The following ESYT2 variants were observed in gnomAD, a reference collection of about 807,000 sequenced individuals.
ESYT2 encodes the protein extended synaptotagmin 2, also known as extended synaptotagmin-2.
Under a neutral mutation model 107.2 loss-of-function variants are expected in ESYT2, and 54 were observed. That is an observed-to-expected ratio of 0.50 (90% CI 0.40 to 0.63). The LOEUF is 0.63. ESYT2 is among the 30% of genes least tolerant of loss of function. ESYT2 has a pLI of 0.00. For synonymous variants in ESYT2, 491 were observed against 434.1 expected (o/e 1.13, Z -1.63); for missense variants, 1,020 against 1,094.5 (o/e 0.93, Z 0.96).
At chr7:158,826,824 A>AAAT (rs1213970134) in intron 1 of ESYT2, among the ~76,000 whole-genome samples, 20 of 150,358 alleles carry the variant, frequency 1.3e-4, no homozygotes, top group Admixed American at 1.1e-3. Context: ...CGTCTCAAAA[A>AAAT]AAAAAAAAAA....
At chr7:158,773,534 A>C in intron 6 of ESYT2, 138 bp from the exon 7 acceptor site, 1 of 697,872 alleles carries the variant, frequency 1.4e-6, no homozygotes, top group Non-Finnish European at 2.3e-6. Context: ...TTCGTAATAT[A>C]CCAAGGACAT....
At chr7:158,756,547 C>T (rs973369678) in intron 13 of ESYT2, among the ~76,000 whole-genome samples, 4 of 152,114 alleles carry the variant, frequency 2.6e-5, no homozygotes, top group African/African-American at 9.7e-5. Context: ...CCCCAAATGA[C>T]TGAGAGTTGA....
chr7:158,790,270 C>G (rs1839245597), intron 4 of ESYT2, among the ~76,000 whole-genome samples: 1 of 152,146 alleles, frequency 6.6e-6, no homozygotes. Flanking sequence ...TTTGTAAACT[C>G]AAAGATGATC....
chr7:158,765,749 A>G (rs571846077), intron 8 of ESYT2, among the ~76,000 whole-genome samples: 2 of 152,050 alleles, frequency 1.3e-5, no homozygotes, highest in African/African-American at 2.4e-5. Flanking sequence ...ATAAATAAAT[A>G]AACGAACAAA....
intron 3 of ESYT2, among the ~76,000 whole-genome samples, chr7:158,794,594 C>T (rs1019840623): frequency 6.6e-6 from 1 of 152,020 alleles, no homozygotes; most frequent in Non-Finnish European, 1.5e-5. Context: ...AGTTTGAGAC[C>T]AGCCTGAGTG....
intron 7 of ESYT2, among the ~76,000 whole-genome samples, chr7:158,773,049 C>T (rs569904782): frequency 1.4e-4 from 21 of 152,250 alleles, no homozygotes; most frequent in Admixed American, 1.0e-3. Context: ...CTCTACTTTT[C>T]GAACATGCCA....
At chr7:158,747,324 T>G (rs1192521287) in intron 16 of ESYT2, among the ~76,000 whole-genome samples, 1 of 151,586 alleles carries the variant, frequency 6.6e-6, no homozygotes, top group Non-Finnish European at 1.5e-5. Context: ...CCAGCCTCCA[T>G]GACAGAGTGA....
At chr7:158,803,162 CGTTCCCCGG>C (rs1292933865) in intron 1 of ESYT2, among the ~76,000 whole-genome samples, 8 of 152,268 alleles carry the variant, frequency 5.3e-5, no homozygotes, top group African/African-American at 1.9e-4. Flanking sequence ...GCCAACGCGC[CGTTCCCCGG>C]AGCACACCTA....
intron 4 of ESYT2, among the ~76,000 whole-genome samples, chr7:158,790,507 C>T (rs1301748231): frequency 1.3e-5 from 2 of 152,152 alleles, no homozygotes; most frequent in South Asian, 2.1e-4. Context: ...CCCTCCAGCC[C>T]GGGTGACAGA....
chr7:158,757,548 G>C (rs1246901114), intron 13 of ESYT2, among the ~76,000 whole-genome samples: 1 of 151,492 alleles, frequency 6.6e-6, no homozygotes, highest in Non-Finnish European at 1.5e-5. Flanking sequence ...GAGCTCGCGG[G>C]ACGCCCCTTA....
chr7:158,824,294 C>T (rs1381170988), intron 1 of ESYT2, among the ~76,000 whole-genome samples: 1 of 152,214 alleles, frequency 6.6e-6, no homozygotes, highest in Non-Finnish European at 1.5e-5. Flanking sequence ...CACTCGGATT[C>T]AGGTGCTGAA....
intron 4 of ESYT2, 118 bp from the exon 5 acceptor site, chr7:158,788,535 T>C (rs1477148562): frequency 5.6e-6 from 5 of 896,480 alleles, no homozygotes; most frequent in East Asian, 2.8e-5. Flanking sequence ...AATCAGATTG[T>C]AGGTAAAAAC....
intron 16 of ESYT2, among the ~76,000 whole-genome samples, chr7:158,747,946 A>G (rs1373558619): frequency 6.6e-6 from 1 of 152,228 alleles, no homozygotes; most frequent in Non-Finnish European, 1.5e-5. Flanking sequence ...ATAGACAACT[A>G]GAGGACATAC....
intron 1 of ESYT2, among the ~76,000 whole-genome samples, chr7:158,813,653 G>C (rs1840048733): frequency 6.6e-6 from 1 of 152,210 alleles, no homozygotes; most frequent in Admixed American, 6.5e-5. Flanking sequence ...ACTAAAGTAA[G>C]TTTTTCAGGC....
At chr7:158,813,626 C>G (rs933888968) in intron 1 of ESYT2, among the ~76,000 whole-genome samples, 3 of 152,206 alleles carry the variant, frequency 2.0e-5, no homozygotes, top group Non-Finnish European at 2.9e-5. Flanking sequence ...TGCTAGTAGA[C>G]TTGCACTAAA....
intron 8 of ESYT2, 149 bp from the exon 9 acceptor site, chr7:158,765,002 G>A (rs976878773): frequency 1.3e-6 from 1 of 750,990 alleles, no homozygotes; most frequent in Admixed American, 2.8e-5. Context: ...CCCAGCAGCG[G>A]GGAAATGCAA....
At chr7:158,749,200 G>A (rs974490040) in intron 15 of ESYT2, among the ~76,000 whole-genome samples, 3 of 152,026 alleles carry the variant, frequency 2.0e-5, no homozygotes, top group African/African-American at 4.8e-5. Flanking sequence ...TCTGCCTCCC[G>A]GGTTCAAGCG....
chr7:158,812,255 G>A lies in ESYT2; in HGVS notation c.331-13183C>T, dbSNP rs555555906. Among the ~76,000 whole-genome samples, 4 of 152,308 alleles carry A rather than the reference G, an allele frequency of 2.6e-5. 1 individual carries two copies. The highest frequency in any genetic ancestry group is 9.6e-5 in the African/African-American group (4 of 41,566). The stretch of plus-strand genomic sequence containing the variant: ...CTCCTGCTCACAGCCACTTCGCCGA[G>A]ACTGCTAAGTTCTGAGGTGTGAATA... On this transcript the variant is annotated intron_variant, in intron 1 of 22. Coordinates refer to ENST00000275418, the MANE Select transcript of ESYT2 (RefSeq NM_001367773.1).
At chr7:158,742,790 C>T (rs1218618760) in intron 17 of ESYT2, among the ~76,000 whole-genome samples, 1 of 152,174 alleles carries the variant, frequency 6.6e-6, no homozygotes, top group Non-Finnish European at 1.5e-5. Context: ...TCCTGGTCTC[C>T]CCACACTTTG....
Sources: allele counts gnomAD v4.1 joint callset (sites outside exome capture counted in the v4.1 genomes callset), GRCh38; gene constraint gnomAD v4.1.1; transcripts MANE v1.5; gene names NCBI Gene and HGNC (gene_info 2026-07-23, HGNC 2026-07-21).